Variants in GALNT13 observed in about 807,000 individuals in gnomAD.
The protein encoded by GALNT13 is polypeptide N-acetylgalactosaminyltransferase 13, also known as UDP-GalNAc:polypeptide N-acetylgalactosaminyltransferase 13.
A neutral mutation model predicts 64.2 loss-of-function variants in GALNT13; 28 were observed. The ratio of observed to expected loss-of-function variants is 0.44; its 90% confidence interval spans 0.32 to 0.60. GALNT13 has a LOEUF of 0.60. GALNT13 is among the 20% of genes least tolerant of loss of function. The pLI is 0.05. For missense variants in GALNT13, 577 were observed against 669.8 expected, an observed-to-expected ratio of 0.86 and a Z score of 1.53; for synonymous variants, 214 against 224.6, an observed-to-expected ratio of 0.95 and a Z score of 0.42.
chr2:153,142,782 A>G, the GALNT13 span, among the ~76,000 whole-genome samples: 6 of 151,962 alleles, frequency 3.9e-5, no homozygotes, highest in Non-Finnish European at 8.8e-5. Context: ...CAATTCCCAA[A>G]GCTTTGTCTT....
the GALNT13 span, among the ~76,000 whole-genome samples, chr2:153,109,443 C>T: frequency 1.3e-5 from 2 of 152,132 alleles, no homozygotes; most frequent in African/African-American, 4.8e-5. Flanking sequence ...AGAACAGACC[C>T]TTTCAGAGAG....
intron 3 of GALNT13, among the ~76,000 whole-genome samples, chr2:154,122,113 A>AT (rs1387094245): frequency 3.3e-5 from 5 of 151,926 alleles, no homozygotes; most frequent in East Asian, 1.9e-4. Context: ...TAATATGTGA[A>AT]TTTTTTTGGC....
the GALNT13 span, among the ~76,000 whole-genome samples, chr2:153,348,824 G>T: frequency 6.6e-6 from 1 of 152,122 alleles, no homozygotes; most frequent in African/African-American, 2.4e-5. Flanking sequence ...ATTGTTGCCC[G>T]GTCCCCAGCA....
chr2:153,200,755 T>C, the GALNT13 span, among the ~76,000 whole-genome samples: 2 of 152,218 alleles, frequency 1.3e-5, no homozygotes, highest in African/African-American at 2.4e-5. Context: ...GAATGTTCTC[T>C]TCCACTTAAA....
At chr2:154,002,198 T>C (rs1574305011) in intron 3 of GALNT13, among the ~76,000 whole-genome samples, 1 of 152,130 alleles carries the variant, frequency 6.6e-6, no homozygotes, top group Non-Finnish European at 1.5e-5. Flanking sequence ...TATACCTGGA[T>C]GTTGTTGTTA....
At chr2:154,015,627 C>T (rs1696951943) in intron 3 of GALNT13, among the ~76,000 whole-genome samples, 1 of 152,178 alleles carries the variant, frequency 6.6e-6, no homozygotes, top group Non-Finnish European at 1.5e-5. Context: ...TTATGTTACT[C>T]ATCACATTGC....
At chr2:154,000,460 A>G (rs1225250130) in intron 3 of GALNT13, among the ~76,000 whole-genome samples, 1 of 151,874 alleles carries the variant, frequency 6.6e-6, no homozygotes, top group Non-Finnish European at 1.5e-5. Flanking sequence ...AAATTTTCTC[A>G]TAGAACTATT....
chr2:153,243,517 G>GTT, the GALNT13 span, among the ~76,000 whole-genome samples: 2 of 151,814 alleles, frequency 1.3e-5, no homozygotes, highest in East Asian at 3.9e-4. Flanking sequence ...GTTGCTAAGA[G>GTT]TTAACATTGT....
the GALNT13 span, among the ~76,000 whole-genome samples, chr2:153,826,876 T>A: frequency 3.9e-5 from 6 of 152,008 alleles, no homozygotes; most frequent in African/African-American, 1.4e-4. Flanking sequence ...ATTAGGTGTG[T>A]TCTAGAGAAA....
At chr2:154,368,553 G>A (rs775939890) in intron 9 of GALNT13, among the ~76,000 whole-genome samples, 25 of 152,308 alleles carry the variant, frequency 1.6e-4, no homozygotes, top group Non-Finnish European at 1.6e-4. Flanking sequence ...CACAGGCAGG[G>A]AGGTGGGTGA....
intron 3 of GALNT13, among the ~76,000 whole-genome samples, chr2:154,031,636 T>A (rs531249914): frequency 6.6e-6 from 1 of 152,064 alleles, no homozygotes; most frequent in East Asian, 1.9e-4. Context: ...AAATAACATA[T>A]ATTAACAAGG....
At chr2:153,181,416 G>A in the GALNT13 span, among the ~76,000 whole-genome samples, 6 of 150,982 alleles carry the variant, frequency 4.0e-5, no homozygotes, top group Admixed American at 6.6e-5. Flanking sequence ...GGCTCGGCTT[G>A]TGGCCTAACA....
the GALNT13 span, among the ~76,000 whole-genome samples, chr2:153,485,689 GC>G: frequency 6.6e-6 from 1 of 152,072 alleles, no homozygotes; most frequent in Non-Finnish European, 1.5e-5. Flanking sequence ...GACTGCTTGA[GC>G]CCAGGAGTCC....
At chr2:154,361,535 G>T (rs1437209018) in intron 9 of GALNT13, among the ~76,000 whole-genome samples, 1 of 151,982 alleles carries the variant, frequency 6.6e-6, no homozygotes. Flanking sequence ...TTATCATTTT[G>T]CTGTAATACA....
At chr2:153,496,213 T>C in the GALNT13 span, among the ~76,000 whole-genome samples, 1 of 152,240 alleles carries the variant, frequency 6.6e-6, no homozygotes, top group African/African-American at 2.4e-5. Context: ...TTGTTCCATT[T>C]TCTTTAGCTC....
chr2:153,820,606 C>T, the GALNT13 span, among the ~76,000 whole-genome samples: 27 of 152,048 alleles, frequency 1.8e-4, no homozygotes, highest in Non-Finnish European at 3.8e-4. Context: ...ATTTATATTC[C>T]GCCAAAGTAA....
At chr2:153,524,989 C>A in the GALNT13 span, among the ~76,000 whole-genome samples, 1 of 152,228 alleles carries the variant, frequency 6.6e-6, no homozygotes, top group East Asian at 1.9e-4. Context: ...AAAAGAGACC[C>A]CTTCCTACCT....
chr2:153,775,131 A>G, the GALNT13 span, among the ~76,000 whole-genome samples: 106 of 152,280 alleles, frequency 7.0e-4, no homozygotes, highest in African/African-American at 2.5e-3. Flanking sequence ...AGTAGATAGG[A>G]GAGGATGGGG....
chr2:153,157,676 G>A, the GALNT13 span, among the ~76,000 whole-genome samples: 1 of 152,120 alleles, frequency 6.6e-6, no homozygotes, highest in African/African-American at 2.4e-5. Flanking sequence ...TAGAGTTCAA[G>A]TGTAATTTAC....
Sources: gnomAD v4.1 joint callset for allele counts (sites outside exome capture counted in the v4.1 genomes callset) on GRCh38, gnomAD v4.1.1 for gene constraint, MANE v1.5 for transcripts, NCBI Gene and HGNC (gene_info 2026-07-23, HGNC 2026-07-21) for gene names.